The following NSUN7 variants were observed in gnomAD, a reference collection of about 807,000 sequenced individuals.
NSUN7 encodes protein NSUN7.
Under a neutral mutation model 58.5 loss-of-function variants are expected in NSUN7, and 39 were observed. The observed-to-expected ratio is 0.67, with a 90% confidence interval of 0.52 to 0.87. NSUN7 has a LOEUF of 0.87. Among genes scored for constraint, NSUN7 ranks in the 40% least tolerant of loss-of-function variants. NSUN7 has a pLI of 0.00. For missense variants in NSUN7, 765 were observed against 844.1 expected, an observed-to-expected ratio of 0.91 and a Z score of 1.16; for synonymous variants, 278 against 303.7, an observed-to-expected ratio of 0.92 and a Z score of 0.88.
chr4:40,809,034 C>T lies in NSUN7; in HGVS notation c.*95C>T, dbSNP rs1213498987. On this transcript the variant is annotated 3_prime_UTR_variant, in exon 12 of 12. Transcript: ENST00000381782. The stretch of plus-strand genomic sequence containing the variant: ...ATTCTACATCTCTACACAAGATATT[C>T]ATTCTTTTGGTCACCTAGGGATCTT... 7.8e-7 allele frequency: 1 copy of T among 1,286,756 alleles called. No individual in the cohort carries two copies. Among genetic ancestry groups the T allele is most frequent in the Middle Eastern group, 1.9e-4 (1 of 5,186 alleles). 79.7% of individuals were successfully genotyped at this position (1,286,756 alleles called of 1,614,324 possible). A position where few individuals can be genotyped will look rare whatever the true frequency, so the allele number is the denominator to read the frequency against.
In NSUN7 at chr4:40,807,104, C is replaced by G. The variant is rs1425794896; in HGVS notation, c.1444C>G (p.Gln482Glu). 6.4e-7 allele frequency: 1 copy of G among 1,551,448 alleles called. No individual in the cohort carries two copies. Among genetic ancestry groups the G allele is most frequent in the Non-Finnish European group, 8.7e-7 (1 of 1,146,708 alleles). The change falls in exon 11 of 12, where the codon CAA becomes GAA. Residue 482 changes from glutamine (Q) to glutamate (E), a missense_variant. Gln to Glu is a conservative substitution (Grantham distance 29, BLOSUM62 2). Coordinates refer to ENST00000381782, the MANE Select transcript of NSUN7 (RefSeq NM_024677.6). ...TCCACTGTGCTCCTTAAAGGAAATT[C>G]AATTGTCTACTGATAAATTTTTCAG... is the stretch of plus-strand genomic sequence containing the variant. ...VLPLCSLKEI[Q>E]LSTDKFFRME...
chr4:40,761,348 T>C (rs765124138), intron 4 of NSUN7, 47 bp downstream of exon 4: 3 of 1,464,058 alleles, frequency 2.0e-6, no homozygotes, highest in Non-Finnish European at 2.8e-6. Flanking sequence ...CCTACATTGG[T>C]ATTGTTATTG....
chr4:40,774,859 A>C lies in NSUN7; in HGVS notation c.734A>C (p.Gln245Pro). The C allele has an allele frequency of 6.8e-7, 1 of 1,475,178 alleles. No homozygotes were observed. Among genetic ancestry groups the C allele is most frequent in the Non-Finnish European group, 9.5e-7 (1 of 1,054,468 alleles). 91.4% of individuals were successfully genotyped at this position (1,475,178 alleles called of 1,614,324 possible). Residue 245 changes from glutamine to proline, a missense_variant, in exon 6 of 12, where the codon CAA (glutamine) becomes CCA (proline). By Grantham distance (76) the Gln-to-Pro change is moderately conservative. Transcript: ENST00000381782. The stretch of plus-strand genomic sequence containing the variant: ...GATGATAAAGTCTTTGCTGTGGATC[A>C]ACATTGCTATGATGTCTTAATTTTT... ...HIDDKVFAVD[Q>P]HCYDVLIFPS... is the part of the protein sequence containing the mutation.
At chr4:40,802,104 G>C (rs1045185215) in intron 10 of NSUN7, among the ~76,000 whole-genome samples, 2 of 151,990 alleles carry the variant, frequency 1.3e-5, no homozygotes, top group Non-Finnish European at 2.9e-5. Context: ...GTTTTCTGCT[G>C]TTTATTTTGG....
intron 2 of NSUN7, among the ~76,000 whole-genome samples, chr4:40,755,566 G>T (rs1427593065): frequency 6.6e-6 from 1 of 152,168 alleles, no homozygotes; most frequent in African/African-American, 2.4e-5. Context: ...CCCAGGAACT[G>T]ATTGTAGCAT....
intron 9 of NSUN7, among the ~76,000 whole-genome samples, chr4:40,796,467 C>T (rs1363783701): frequency 6.6e-6 from 1 of 151,970 alleles, no homozygotes; most frequent in Non-Finnish European, 1.5e-5. Flanking sequence ...TAGTGAGACC[C>T]TGCCTCTACA....
intron 7 of NSUN7, chr4:40,786,237 C>A (rs1447451270): frequency 6.2e-7 from 1 of 1,613,900 alleles, no homozygotes; most frequent in East Asian, 2.2e-5. Context: ...GGCTGCAGTT[C>A]AATGAATTTG....
Position 40,810,249 on chromosome 4 carries a change from T to G in NSUN7, c.*1310T>G, listed in dbSNP as rs1560570448. 6.6e-6 allele frequency: 1 copy of G among 152,144 alleles called. No individual in the cohort carries two copies. Among genetic ancestry groups the G allele is most frequent in the Non-Finnish European group, 1.5e-5 (1 of 68,030 alleles). The allele number at this position is 152,144 out of a possible 1,614,324, so 9.4% of individuals were successfully genotyped here. ...ATAGCGGTAATACATTATTTTTATT[T>G]TAGCTTAGATTTACATTTATCAGTA... On this transcript the variant is annotated 3_prime_UTR_variant, in exon 12 of 12. Transcript: ENST00000381782.
At chr4:40,780,784 CACATACACATAT>C (rs1425419169) in intron 7 of NSUN7, among the ~76,000 whole-genome samples, 2 of 78,874 alleles carry the variant, frequency 2.5e-5, no homozygotes, top group Non-Finnish European at 4.9e-5. Context: ...CACACACACA[CACATACACATAT>C]ATATATATAT....
In NSUN7 at chr4:40,808,521, T is replaced by C. The variant is rs1035453808; in HGVS notation, c.1739T>C (p.Leu580Pro). The stretch of plus-strand genomic sequence containing the variant: ...CGAGAAACTAAAGCCAGTGCTAATC[T>C]ATCAGAGACTGTAACAAAACCACCT... ...LNRETKASAN[L>P]SETVTKPPLP... Residue 580 changes from leucine (L) to proline (P), a missense_variant, in exon 12 of 12, where the codon CTA becomes CCA. Coordinates refer to ENST00000381782, the MANE Select transcript of NSUN7 (RefSeq NM_024677.6). 1 of 1,552,858 alleles carries C rather than the reference T, an allele frequency of 6.4e-7. No individual in the cohort carries two copies. The highest frequency in any genetic ancestry group is 1.2e-5 in the South Asian group (1 of 84,356).
chr4:40,802,751 T>G (rs1743641211), intron 10 of NSUN7, among the ~76,000 whole-genome samples: 1 of 151,870 alleles, frequency 6.6e-6, no homozygotes, highest in African/African-American at 2.4e-5. Context: ...AGTAAGTACC[T>G]TTTACCCTGA....
intron 10 of NSUN7, among the ~76,000 whole-genome samples, chr4:40,801,913 A>AAG (rs1258289036): frequency 6.6e-6 from 1 of 151,510 alleles, no homozygotes; most frequent in African/African-American, 2.4e-5. Context: ...AAAAAAAAAA[A>AAG]AAAAAAGAAA....
chr4:40,776,486 T>C (rs1004812071), intron 7 of NSUN7: 17 of 326,338 alleles, frequency 5.2e-5, no homozygotes, highest in Middle Eastern at 8.8e-4. Context: ...CTGTTTGACA[T>C]TTAGCTCACA....
At chr4:40,769,437 C>G (rs1362190442) in intron 4 of NSUN7, among the ~76,000 whole-genome samples, 1 of 152,158 alleles carries the variant, frequency 6.6e-6, no homozygotes, top group Admixed American at 6.5e-5. Flanking sequence ...AAGAACAAAA[C>G]AAATGAGGTG....
intron 9 of NSUN7, among the ~76,000 whole-genome samples, chr4:40,798,094 ACT>A (rs1743400600): frequency 6.6e-6 from 1 of 151,330 alleles, no homozygotes; most frequent in South Asian, 2.1e-4. Context: ...TTCTCCTGGA[ACT>A]CTCTATCCCT....
chr4:40,774,921 C>G lies in NSUN7; in HGVS notation c.796C>G (p.Leu266Val), dbSNP rs770103657. The change falls in exon 6 of 12, where the codon CTT (leucine) becomes GTT (valine). Residue 266 changes from leucine to valine, a missense_variant. Leu to Val is a conservative substitution (Grantham distance 32). Transcript: ENST00000381782. The part of the protein sequence containing the change: ...HLKNDLINID[L>V]FKDYKLIFQD... The stretch of plus-strand genomic sequence containing the variant: ...TAAAAATGATCTTATAAATATAGAT[C>G]TTTTCAAAGATTACAAACTTATATT... 8.3e-7 allele frequency: 1 copy of G among 1,204,512 alleles called. No homozygotes were observed. The highest frequency in any genetic ancestry group is 1.9e-5 in the Admixed American group (1 of 53,828). 74.6% of individuals were successfully genotyped at this position (1,204,512 alleles called of 1,614,324 possible).
intron 2 of NSUN7, among the ~76,000 whole-genome samples, chr4:40,758,884 CAA>C (rs998700085): frequency 1.4e-5 from 2 of 147,474 alleles, no homozygotes; most frequent in Admixed American, 1.4e-4. Context: ...GACTCTGTCT[CAA>C]AAAAAAAGAA....
At position 40,794,438 on chromosome 4, in the gene NSUN7, C is replaced by A. The variant is rs775364545; in HGVS notation, c.1244C>A (p.Ala415Asp). ...GISVDKLHVL[A>D]QQQYEQLTHA... is the part of the protein sequence containing the mutation. ...TCAGTGGACAAACTTCACGTTCTTG[C>A]TCAACAGCAGTATGAACAGCTAACA... The change falls in exon 9 of 12, where the codon GCT becomes GAT. Residue 415 changes from alanine to aspartate, a missense_variant. Coordinates refer to ENST00000381782, the MANE Select transcript of NSUN7 (RefSeq NM_024677.6). The A allele has an allele frequency of 1.2e-5, 20 of 1,612,196 alleles. No individual in the cohort carries two copies. The highest frequency in any genetic ancestry group is 1.6e-5 in the Non-Finnish European group (19 of 1,178,684).
chr4:40,808,575 G>A lies in NSUN7; in HGVS notation c.1793G>A (p.Gly598Glu), dbSNP rs1475871409. The A allele has an allele frequency of 6.4e-7, 1 of 1,551,570 alleles. No homozygotes were observed. Among genetic ancestry groups the A allele is most frequent in the East Asian group, 2.4e-5 (1 of 40,920 alleles). ...PLPQKNTAQVGASSQTRKPNK... is the reference protein window; with the variant it reads ...PLPQKNTAQVEASSQTRKPNK... ...CCCCAGAAAAATACTGCTCAAGTGG[G>A]GGCTTCCTCACAGACCAGAAAACCC... Residue 598 changes from glycine (G) to glutamate (E), a missense_variant, in exon 12 of 12, where the codon GGG becomes GAG. Coordinates refer to ENST00000381782, the MANE Select transcript of NSUN7 (RefSeq NM_024677.6).
Sources: gnomAD v4.1 joint callset for allele counts (sites outside exome capture counted in the v4.1 genomes callset) on GRCh38, gnomAD v4.1.1 for gene constraint, MANE v1.5 for transcripts, NCBI Gene and HGNC (gene_info 2026-07-23, HGNC 2026-07-21) for gene names.